INIP: variants seen among roughly 807,000 people sequenced by gnomAD.
INIP encodes SOSS complex subunit C.
Under a neutral mutation model 14.0 loss-of-function variants are expected in INIP, and 9 were observed. The ratio of observed to expected loss-of-function variants is 0.64; its 90% confidence interval spans 0.39 to 1.12. The LOEUF (loss-of-function observed/expected upper bound fraction) is 1.12, where lower values mean the gene tolerates loss of function less well. Ranked by LOEUF, INIP falls within the 50% of genes most tolerant of loss-of-function variation. The probability of loss-of-function intolerance (pLI) is 0.01; values close to 1 mark genes in which losing one functional copy is unlikely to be tolerated. For synonymous variants in INIP, 37 were observed against 41.5 expected, an observed-to-expected ratio of 0.89 and a Z score of 0.41; for missense variants, 78 against 122.7, an observed-to-expected ratio of 0.64 and a Z score of 1.72.
chr9:112,703,273 G>A (rs1220172429), intron 2 of INIP, among the ~76,000 whole-genome samples: 2 of 152,178 alleles, frequency 1.3e-5, no homozygotes, highest in Non-Finnish European at 2.9e-5. Flanking sequence ...AAAAGATTTA[G>A]TAATGTTAAA....
intron 2 of INIP, 139 bp downstream of exon 2, chr9:112,716,322 G>A (rs1564245570): frequency 8.3e-6 from 6 of 722,168 alleles, no homozygotes; most frequent in Non-Finnish European, 1.5e-5. Context: ...GATTACAGGC[G>A]TGAGCCACCG....
At chr9:112,695,810 GAA>G (rs1838065417) in intron 2 of INIP, among the ~76,000 whole-genome samples, 5 of 93,420 alleles carry the variant, frequency 5.4e-5, no homozygotes, top group East Asian at 3.6e-4. Flanking sequence ...AGGAGGAGGA[GAA>G]GAAGAAGGAG....
At chr9:112,701,901 T>C (rs55935423) in intron 2 of INIP, 1 of 150,004 alleles carries the variant, frequency 6.7e-6, no homozygotes, top group African/African-American at 2.5e-5. Context: ...AAAAAAAAAA[T>C]TTTTTTAATT....
At chr9:112,688,875 T>C (rs910301685) in intron 4 of INIP, among the ~76,000 whole-genome samples, 2 of 151,940 alleles carry the variant, frequency 1.3e-5, no homozygotes, top group African/African-American at 2.4e-5. Flanking sequence ...TAAAATAAAG[T>C]GAGATGGTCA....
At chr9:112,712,223 A>C (rs978488098) in intron 2 of INIP, among the ~76,000 whole-genome samples, 4 of 152,200 alleles carry the variant, frequency 2.6e-5, no homozygotes, top group Non-Finnish European at 4.4e-5. Context: ...TCACTGCTGA[A>C]CTACACATAT....
Position 112,698,510 on chromosome 9 carries a change from T to C in INIP, c.26-4277A>G, listed in dbSNP as rs113602487. Among the ~76,000 whole-genome samples the C allele has an allele frequency of 8.3e-4, 126 of 152,188 alleles. 1 individual carries two copies. The highest frequency in any genetic ancestry group is 2.9e-3 in the African/African-American group (122 of 41,520). On this transcript the variant is annotated intron_variant, in intron 2 of 4. Transcript: ENST00000374242. ...CCATATGTAAATAATAACTGAAACT[T>C]TGTCAAAATAATGTTAAGGAAACAT...
At position 112,707,330 on chromosome 9, in the gene INIP, C is replaced by CTT. The variant is rs560195464; in HGVS notation, c.25+9129_25+9130dup. ...AAACAAATAAAAAATCTGTTTCAAA[C>CTT]TTTTTTTTTTTTTAAGAGACAGGAT... On this transcript the variant is annotated intron_variant, in intron 2 of 4. Transcript: ENST00000374242. Among the ~76,000 whole-genome samples the CTT allele has an allele frequency of 8.5e-4, 113 of 132,708 alleles. 3 individuals are homozygous for CTT. The highest frequency in any genetic ancestry group is 4.1e-3 in the Middle Eastern group (1 of 242). 87.1% of individuals were successfully genotyped at this position (132,708 alleles called of 152,430 possible). A position where few individuals can be genotyped will look rare whatever the true frequency, so the allele number is the denominator to read the frequency against.
chr9:112,707,888 A>G (rs1201608858), intron 2 of INIP, among the ~76,000 whole-genome samples: 8 of 152,210 alleles, frequency 5.3e-5, no homozygotes, highest in Admixed American at 4.6e-4. Flanking sequence ...AACATGTTTA[A>G]CATGTTTTCA....
chr9:112,690,356 A>T (rs1219996710), intron 3 of INIP, among the ~76,000 whole-genome samples: 4 of 152,170 alleles, frequency 2.6e-5, no homozygotes. Context: ...GTATGGTGGC[A>T]TGTGCCTGCG....
chr9:112,712,465 C>T (rs1202034777), intron 2 of INIP, among the ~76,000 whole-genome samples: 6 of 151,652 alleles, frequency 4.0e-5, no homozygotes, highest in Non-Finnish European at 8.9e-5. Flanking sequence ...AAAAGGAAAA[C>T]GTGATGCATA....
chr9:112,694,344 A>G (rs545126101), intron 2 of INIP, 111 bp from the exon 3 acceptor site: 2 of 649,202 alleles, frequency 3.1e-6, no homozygotes, highest in Admixed American at 3.0e-5. Flanking sequence ...CAAAACTCCT[A>G]TTCTCTAACA....
At chr9:112,715,265 G>A (rs1257345560) in intron 2 of INIP, among the ~76,000 whole-genome samples, 2 of 151,804 alleles carry the variant, frequency 1.3e-5, no homozygotes, top group Non-Finnish European at 2.9e-5. Context: ...AGCTGCTCTG[G>A]GTGAGTCAGT....
At chr9:112,700,927 C>T (rs186365301) in intron 2 of INIP, among the ~76,000 whole-genome samples, 85 of 151,942 alleles carry the variant, frequency 5.6e-4, no homozygotes, top group African/African-American at 2.0e-3. Context: ...TTCCAACCTG[C>T]GCAAAAGAGA....
chr9:112,689,381 G>C, intron 4 of INIP, 146 bp downstream of exon 4: 1 of 657,004 alleles, frequency 1.5e-6, no homozygotes, highest in South Asian at 1.8e-5. Context: ...AATCCTCTGG[G>C]CTTGACTGAA....
At chr9:112,703,060 T>C (rs1322036521) in intron 2 of INIP, among the ~76,000 whole-genome samples, 1 of 152,194 alleles carries the variant, frequency 6.6e-6, no homozygotes, top group African/African-American at 2.4e-5. Flanking sequence ...GTTTAACATT[T>C]CTGAACTAGG....
At chr9:112,700,756 C>A (rs1240226651) in intron 2 of INIP, among the ~76,000 whole-genome samples, 1 of 151,768 alleles carries the variant, frequency 6.6e-6, no homozygotes, top group Non-Finnish European at 1.5e-5. Flanking sequence ...TCAAAAACTT[C>A]ATGCATGTTT....
chr9:112,697,226 AG>A (rs1192136023), intron 2 of INIP, among the ~76,000 whole-genome samples: 1 of 152,216 alleles, frequency 6.6e-6, no homozygotes, highest in African/African-American at 2.4e-5. Flanking sequence ...GACAAATATC[AG>A]AGCAAGGCTG....
At chr9:112,690,757 A>G (rs1470097263) in intron 3 of INIP, among the ~76,000 whole-genome samples, 1 of 152,248 alleles carries the variant, frequency 6.6e-6, no homozygotes, top group Non-Finnish European at 1.5e-5. Flanking sequence ...GGGTGTCTAC[A>G]GGAAGGCTTC....
At chr9:112,687,880 T>C (rs1057458688) in intron 4 of INIP, among the ~76,000 whole-genome samples, 2 of 151,970 alleles carry the variant, frequency 1.3e-5, no homozygotes, top group South Asian at 4.1e-4. Flanking sequence ...GGTCAGGAGA[T>C]CGAGACCATC....
Sources: gnomAD v4.1 joint callset for allele counts (sites outside exome capture counted in the v4.1 genomes callset) on GRCh38, gnomAD v4.1.1 for gene constraint, MANE v1.5 for transcripts, NCBI Gene and HGNC (gene_info 2026-07-23, HGNC 2026-07-21) for gene names.